IGF2R: variants seen among roughly 807,000 people sequenced by gnomAD.
The protein encoded by IGF2R is insulin like growth factor 2 receptor.
In IGF2R, 91 loss-of-function variants were observed where a neutral mutation model predicts 270.6. That is an observed-to-expected ratio of 0.34 (90% CI 0.28 to 0.40). The LOEUF (loss-of-function observed/expected upper bound fraction) is 0.40. Among genes scored for constraint, IGF2R ranks in the 10% least tolerant of loss-of-function variants. The pLI, the probability that IGF2R is intolerant of heterozygous loss-of-function variation, is 1.00. For synonymous variants in IGF2R, 1,316 were observed against 1,258.9 expected, an observed-to-expected ratio of 1.05 and a Z score of -0.96; for missense variants, 2,805 against 3,188.3, an observed-to-expected ratio of 0.88 and a Z score of 2.90.
chr6:160,081,970 C>G (rs147104164), intron 39 of IGF2R, among the ~76,000 whole-genome samples: 4,665 of 152,188 alleles, frequency 0.031, 92 homozygotes, highest in South Asian at 0.062. Context: ...GGTCCTGAGG[C>G]GACATACATC....
intron 1 of IGF2R, among the ~76,000 whole-genome samples, chr6:159,975,852 A>G (rs1783686384): frequency 6.7e-6 from 1 of 150,140 alleles, no homozygotes; most frequent in Non-Finnish European, 1.5e-5. Context: ...CAAAAAGGGT[A>G]AAAGTTTATT....
At chr6:160,075,739 C>T (rs1254630192) in intron 35 of IGF2R, 108 bp from the exon 36 acceptor site, 7 of 1,132,664 alleles carry the variant, frequency 6.2e-6, no homozygotes, top group Non-Finnish European at 9.0e-6. Flanking sequence ...TGCTCATTCT[C>T]AGAACCTATG....
chr6:160,062,380 G>A (rs1778459725), intron 25 of IGF2R, 152 bp from the exon 26 acceptor site: 4 of 639,268 alleles, frequency 6.3e-6, no homozygotes. Flanking sequence ...CACCATCTTG[G>A]CCAGGCTGAT....
At chr6:160,025,368 C>T (rs1777537375) in intron 5 of IGF2R, among the ~76,000 whole-genome samples, 1 of 152,192 alleles carries the variant, frequency 6.6e-6, no homozygotes, top group African/African-American at 2.4e-5. Context: ...TTCTGCAGTG[C>T]TAGCCATGAG....
chr6:160,054,445 T>C (rs769488968), intron 19 of IGF2R, among the ~76,000 whole-genome samples: 12 of 152,180 alleles, frequency 7.9e-5, no homozygotes, highest in Non-Finnish European at 1.3e-4. Flanking sequence ...TGGTCTCTTA[T>C]CAGCAGGGAA....
At position 159,969,308 on chromosome 6, in the gene IGF2R, G is replaced by A. The variant is rs764668970; in HGVS notation, c.62G>A (p.Arg21His). The A allele has an allele frequency of 7.1e-6, 9 of 1,269,910 alleles. No homozygotes were observed. The African/African-American group carries it at 9.4e-5, about 13-fold the overall frequency. The allele number at this position is 1,269,910 out of a possible 1,614,324, so 78.7% of individuals were successfully genotyped here. ...CCCGCGCCCGCCCGCCGCCCGCAGC[G>A]CTCTCTGCTCCTGCTGCAGCTGCTG... ...LGPAPARRPQ[R>H]SLLLLQLLLL... The change falls in exon 1 of 48, where the codon CGC becomes CAC. Residue 21 changes from arginine (R) to histidine (H), a missense_variant. Arg to His is a conservative substitution (Grantham distance 29, BLOSUM62 0). Transcript: ENST00000356956.
intron 1 of IGF2R, among the ~76,000 whole-genome samples, chr6:159,987,219 T>C (rs1020615220): frequency 6.6e-6 from 1 of 152,258 alleles, no homozygotes; most frequent in Non-Finnish European, 1.5e-5. Context: ...AAGTTTATTA[T>C]GAAATAGTCT....
intron 39 of IGF2R, among the ~76,000 whole-genome samples, chr6:160,082,974 GA>G (rs1779018876): frequency 6.6e-6 from 1 of 152,214 alleles, no homozygotes; most frequent in African/African-American, 2.4e-5. Flanking sequence ...GAGAGACTGA[GA>G]AAAGAAATAA....
chr6:160,050,362 T>G lies in IGF2R; in HGVS notation c.2515-111T>G. The G allele has an allele frequency of 9.3e-7, 1 of 1,080,772 alleles. No homozygotes were observed. Among genetic ancestry groups the G allele is most frequent in the Admixed American group, 2.2e-5 (1 of 44,728 alleles). The allele number at this position is 1,080,772 out of a possible 1,614,324, so 66.9% of individuals were successfully genotyped here. ...GGGATTTCCCCAGGAGCAGTGGTTCTGTATTCAATAATTCATTGTTTGCTG... is the reference window on the plus strand; with the variant it reads ...GGGATTTCCCCAGGAGCAGTGGTTCGGTATTCAATAATTCATTGTTTGCTG... On this transcript the variant is annotated intron_variant, in intron 18 of 47. Coordinates refer to ENST00000356956, the MANE Select transcript of IGF2R (RefSeq NM_000876.4). This position sits in a 1 kb window ranked among gnomAD's most constrained non-coding sequence, Gnocchi z 4.0.
intron 2 of IGF2R, among the ~76,000 whole-genome samples, chr6:159,991,669 C>A (rs1783981957): frequency 6.6e-6 from 1 of 152,198 alleles, no homozygotes; most frequent in Admixed American, 6.5e-5. Context: ...TCCCCCAGCC[C>A]ACATTTCCTT....
Position 160,084,178 on chromosome 6 carries a change from G to T in IGF2R, c.6062G>T (p.Gly2021Val). The T allele has an allele frequency of 6.3e-7, 1 of 1,593,850 alleles. No homozygotes were observed. Among genetic ancestry groups the T allele is most frequent in the Non-Finnish European group, 8.6e-7 (1 of 1,161,596 alleles). ...LTGSWSLVHN[G>V]VSYYINLCQK... ...GGGTCCTGGTCCCTCGTCCACAACG[G>T]AGTCTCGTGAGTGCCTTCCCAGTCC... Residue 2021 changes from glycine to valine, a missense_variant, in exon 40 of 48, where the codon GGA becomes GTA. Gly to Val is a moderately radical substitution (Grantham distance 109, BLOSUM62 -3). Around this residue, in one of 2 missense-constraint regions of IGF2R, gnomAD observed 1,851 missense variants for 2,207.2 expected, o/e 0.84. Transcript: ENST00000356956. The surrounding 1 kb of genome is among the most constrained non-coding windows in gnomAD (Gnocchi z 4.6).
At position 160,006,210 on chromosome 6, in the gene IGF2R, C is replaced by G. The variant is rs1298079987; in HGVS notation, c.290-2800C>G. On this transcript the variant is annotated intron_variant, in intron 2 of 47. Coordinates refer to ENST00000356956, the MANE Select transcript of IGF2R (RefSeq NM_000876.4). ...GCCTGCTGCGCCCCACGCGCCTCCC[C>G]CCTCGCGCCTCCCCCCTTCGCGCCT... 4 of 157,466 alleles carry G rather than the reference C, an allele frequency of 2.5e-5. No individual in the cohort carries two copies. The Admixed American group carries it at 2.6e-4, about 10-fold the overall frequency. 9.8% of individuals were successfully genotyped at this position (157,466 alleles called of 1,614,324 possible).
intron 2 of IGF2R, among the ~76,000 whole-genome samples, chr6:160,000,231 C>G (rs9347378): frequency 6.6e-6 from 1 of 152,198 alleles, no homozygotes; most frequent in South Asian, 2.1e-4. Context: ...AGGTTGGATT[C>G]ACAGTTCTGA....
At chr6:160,061,010 T>G (rs1778427545) in intron 23 of IGF2R, among the ~76,000 whole-genome samples, 1 of 152,134 alleles carries the variant, frequency 6.6e-6, no homozygotes, top group African/African-American at 2.4e-5. Flanking sequence ...ATTTCACATG[T>G]ACTGTCAGAG....
intron 36 of IGF2R, among the ~76,000 whole-genome samples, 186 bp downstream of exon 36, chr6:160,076,182 C>T (rs185682657): frequency 3.7e-4 from 56 of 152,314 alleles, no homozygotes; most frequent in Non-Finnish European, 6.8e-4. Context: ...TGAGCTCCCC[C>T]GCAGTTAACA....
At chr6:160,014,052 A>C (rs1777216795) in intron 4 of IGF2R, among the ~76,000 whole-genome samples, 1 of 152,194 alleles carries the variant, frequency 6.6e-6, no homozygotes, top group Non-Finnish European at 1.5e-5. Context: ...ATTTAGAATG[A>C]TTTTGATGGG....
chr6:159,969,541 T>G, intron 1 of IGF2R, 146 bp downstream of exon 1: 1 of 612,180 alleles, frequency 1.6e-6, no homozygotes, highest in Non-Finnish European at 2.2e-6. Flanking sequence ...CGAGGGAAAG[T>G]TGCCTGCGTG....
At chr6:160,074,138 G>T (rs1199973906) in intron 35 of IGF2R, 163 bp downstream of exon 35, 2 of 613,184 alleles carry the variant, frequency 3.3e-6, no homozygotes, top group Non-Finnish European at 2.9e-6. Context: ...AAGATTAAAG[G>T]TTTGCACATT....
intron 1 of IGF2R, among the ~76,000 whole-genome samples, chr6:159,990,298 G>A (rs1783956177): frequency 6.6e-6 from 1 of 152,148 alleles, no homozygotes; most frequent in African/African-American, 2.4e-5. Context: ...TGTTGTGGGA[G>A]GGACCTGGTG....
Sources: allele counts gnomAD v4.1 joint callset (sites outside exome capture counted in the v4.1 genomes callset), GRCh38; gene constraint gnomAD v4.1.1; regional missense constraint gnomAD v4.1.1; non-coding constraint Gnocchi (gnomAD v3.1); transcripts MANE v1.5; gene names NCBI Gene and HGNC (gene_info 2026-07-23, HGNC 2026-07-21).